Variants in NLGN1 observed in about 807,000 individuals in gnomAD.
NLGN1 encodes neuroligin-1.
Under a neutral mutation model 65.5 loss-of-function variants are expected in NLGN1, and 12 were observed. The observed-to-expected ratio is 0.18, with a 90% confidence interval of 0.12 to 0.30. The LOEUF (loss-of-function observed/expected upper bound fraction) is 0.30, where lower values mean the gene tolerates loss of function less well. Ranked by LOEUF, NLGN1 falls within the 10% of genes least tolerant of loss-of-function variation. NLGN1 has a pLI of 1.00. For synonymous variants in NLGN1, 350 were observed against 359.5 expected (o/e 0.97, Z 0.30); for missense variants, 750 against 1,007.1 (o/e 0.74, Z 3.46).
chr3:173,499,556 A>G (rs994312444), intron 2 of NLGN1, among the ~76,000 whole-genome samples: 5 of 151,890 alleles, frequency 3.3e-5, no homozygotes, highest in East Asian at 3.9e-4. Context: ...TTGGTTCCAT[A>G]TGAAGTTTAA....
chr3:174,253,402 G>A (rs1745119519), intron 4 of NLGN1, among the ~76,000 whole-genome samples: 1 of 152,150 alleles, frequency 6.6e-6, no homozygotes, highest in South Asian at 2.1e-4. Context: ...GGGAGAGTAT[G>A]CCTCACTGCA....
At chr3:173,731,554 A>C (rs1197655026) in intron 3 of NLGN1, among the ~76,000 whole-genome samples, 1 of 152,082 alleles carries the variant, frequency 6.6e-6, no homozygotes, top group African/African-American at 2.4e-5. Context: ...TTGTGTAGCT[A>C]TTACAGCAGG....
At chr3:173,630,451 G>C (rs552218248) in intron 3 of NLGN1, among the ~76,000 whole-genome samples, 1 of 151,714 alleles carries the variant, frequency 6.6e-6, no homozygotes, top group South Asian at 2.1e-4. Context: ...AAAAAAAAAA[G>C]GAAAAAGAAA....
chr3:173,663,208 T>C (rs1761186349), intron 3 of NLGN1, among the ~76,000 whole-genome samples: 1 of 151,968 alleles, frequency 6.6e-6, no homozygotes, highest in Non-Finnish European at 1.5e-5. Context: ...TCTGAAAAAG[T>C]GTTTAGTTGT....
At chr3:174,283,684 G>C (rs1178167787) in exon 7 of NLGN1, 2 of 151,190 alleles carry the variant, frequency 1.3e-5, no homozygotes, top group African/African-American at 4.8e-5. Flanking sequence ...ATCTATCAAA[G>C]AAATGTAGGT....
intron 3 of NLGN1, chr3:173,685,548 G>GAT: frequency 1.5e-6 from 1 of 652,490 alleles, no homozygotes; most frequent in Non-Finnish European, 1.9e-6. Flanking sequence ...CATAGAACAA[G>GAT]GGCTGCCAGG....
chr3:173,418,593 G>A (rs1413639555), intron 1 of NLGN1, among the ~76,000 whole-genome samples: 1 of 152,106 alleles, frequency 6.6e-6, no homozygotes, highest in Non-Finnish European at 1.5e-5. Context: ...GATAGCTAAT[G>A]ATATAAAACT....
intron 4 of NLGN1, among the ~76,000 whole-genome samples, chr3:173,970,543 A>T (rs1003166286): frequency 6.7e-6 from 1 of 148,358 alleles, no homozygotes; most frequent in African/African-American, 2.5e-5. Context: ...TGCTTACAAT[A>T]AAAAAAAAAG....
intron 4 of NLGN1, among the ~76,000 whole-genome samples, chr3:174,006,436 C>T (rs538523111): frequency 3.9e-5 from 6 of 152,218 alleles, no homozygotes; most frequent in Admixed American, 1.3e-4. Flanking sequence ...TCTTTTTAAC[C>T]GGGTCACCTG....
chr3:173,879,147 G>T (rs1732744502), intron 4 of NLGN1, among the ~76,000 whole-genome samples: 1 of 151,802 alleles, frequency 6.6e-6, no homozygotes, highest in Non-Finnish European at 1.5e-5. Context: ...TAGGAGAATT[G>T]CTTGAACCTG....
At chr3:174,061,346 T>G (rs1328980808) in intron 4 of NLGN1, among the ~76,000 whole-genome samples, 3 of 152,200 alleles carry the variant, frequency 2.0e-5, no homozygotes, top group African/African-American at 4.8e-5. Context: ...TGAATCTGCT[T>G]CTTCTTGATT....
At chr3:173,403,338 G>A (rs78034755) in intron 1 of NLGN1, among the ~76,000 whole-genome samples, 2,776 of 152,072 alleles carry the variant, frequency 0.018, 87 homozygotes, top group African/African-American at 0.063. Context: ...TTAAATCAGA[G>A]GATGTCCACC....
At chr3:173,501,748 T>C (rs1282547155) in intron 2 of NLGN1, among the ~76,000 whole-genome samples, 1 of 151,720 alleles carries the variant, frequency 6.6e-6, no homozygotes, top group East Asian at 1.9e-4. Flanking sequence ...ATTTTTATGT[T>C]CAGTGTATGT....
At chr3:173,503,202 G>T (rs1230505416) in intron 2 of NLGN1, among the ~76,000 whole-genome samples, 1 of 151,984 alleles carries the variant, frequency 6.6e-6, no homozygotes, top group Non-Finnish European at 1.5e-5. Flanking sequence ...ATTACTGGAA[G>T]ACTAAGAATC....
intron 4 of NLGN1, among the ~76,000 whole-genome samples, chr3:173,887,163 A>G (rs961597380): frequency 1.2e-4 from 19 of 152,024 alleles, no homozygotes; most frequent in African/African-American, 4.3e-4. Context: ...AACAATATTC[A>G]TTTGAAAAGC....
rs565153016 is a variant in NLGN1, at chr3:173,993,938, G to GTA, written c.646+186115_646+186116dup. On this transcript the variant is annotated intron_variant, in intron 4 of 6. Coordinates refer to ENST00000457714, the Ensembl canonical transcript of NLGN1. The stretch of plus-strand genomic sequence containing the variant: ...TATGAGTGTGTGTGTGTGTATGTGT[G>GTA]TATATATATAGTAACTAGGAACCCA... Among the ~76,000 whole-genome samples the GTA allele has an allele frequency of 5.9e-5, 9 of 151,834 alleles. No individual in the cohort carries two copies. In the South Asian group the frequency reaches 1.9e-3, roughly 32 times the overall value.
chr3:174,232,839 C>T (rs760108703), intron 4 of NLGN1, among the ~76,000 whole-genome samples: 4 of 152,074 alleles, frequency 2.6e-5, no homozygotes, highest in African/African-American at 7.2e-5. Context: ...TAAATGGTTC[C>T]GACTCTCAAA....
At chr3:173,430,248 G>A (rs887457990) in intron 1 of NLGN1, among the ~76,000 whole-genome samples, 6 of 152,048 alleles carry the variant, frequency 3.9e-5, no homozygotes. Flanking sequence ...GTGATAACTG[G>A]AGTCATCACA....
intron 2 of NLGN1, among the ~76,000 whole-genome samples, chr3:173,504,068 A>T (rs1036108101): frequency 3.9e-5 from 6 of 152,120 alleles, no homozygotes; most frequent in African/African-American, 1.4e-4. Context: ...CTGCCAATTA[A>T]TCTTGATGAG....
Sources: gnomAD v4.1 joint callset for allele counts (sites outside exome capture counted in the v4.1 genomes callset) on GRCh38, gnomAD v4.1.1 for gene constraint, MANE v1.5 for transcripts, NCBI Gene and HGNC (gene_info 2026-07-23, HGNC 2026-07-21) for gene names.